IZUMO1: variants seen among roughly 807,000 people sequenced by gnomAD.
IZUMO1 encodes the protein izumo sperm-oocyte fusion 1.
In IZUMO1, 44 loss-of-function variants were observed where a neutral mutation model predicts 40.7. The observed-to-expected ratio is 1.08, with a 90% confidence interval of 0.85 to 1.39. The LOEUF is 1.39. IZUMO1 is among the 40% of genes most tolerant of loss of function. The pLI, the probability that IZUMO1 is intolerant of heterozygous loss-of-function variation, is 0.00. For synonymous variants in IZUMO1, 149 were observed against 170.9 expected (o/e 0.87, Z 1.00); for missense variants, 368 against 436.9 (o/e 0.84, Z 1.41).
In IZUMO1 at chr19:48,745,882, C is replaced by T. The variant is rs763151907; in HGVS notation, c.-23G>A. 11 of 1,613,376 alleles carry T rather than the reference C, an allele frequency of 6.8e-6. No homozygotes were observed. The South Asian group carries it at 7.7e-5, about 11-fold the overall frequency. On this transcript the variant is annotated 5_prime_UTR_variant, in exon 2 of 10. Coordinates refer to ENST00000332955, the MANE Select transcript of IZUMO1 (RefSeq NM_182575.3). ...CATTGCAGCCGGCGCGCACAGTTCC[C>T]GAAGACCGTTAGGAAGGGTGCTCTC...
In IZUMO1 at chr19:48,740,885, T is replaced by C. The variant is rs773171972; in HGVS notation, c.*23A>G. On this transcript the variant is annotated 3_prime_UTR_variant, in exon 10 of 10. Transcript: ENST00000332955. The surrounding 1 kb of genome is among the most constrained non-coding windows in gnomAD (Gnocchi z 5.5). ...GTCCCGTCCCGGGGAGTGAGTCAGA[T>C]GCTTAGACAACAAGATAAATCTTTA... 6.2e-7 allele frequency: 1 copy of C among 1,613,932 alleles called. No individual in the cohort carries two copies. Among genetic ancestry groups the C allele is most frequent in the African/African-American group, 1.3e-5 (1 of 74,942 alleles).
chr19:48,745,589 C>T, intron 2 of IZUMO1, 36 bp downstream of exon 2: 1 of 1,610,322 alleles, frequency 6.2e-7, no homozygotes, highest in Non-Finnish European at 8.5e-7. Flanking sequence ...CCTCCTTTCC[C>T]AGGACCCAGG....
chr19:48,744,993 G>A (rs1335428135), intron 3 of IZUMO1, among the ~76,000 whole-genome samples: 3 of 152,054 alleles, frequency 2.0e-5, no homozygotes, highest in South Asian at 4.1e-4. Flanking sequence ...TACCGTGCCC[G>A]GCCAGCAATA....
Position 48,741,678 on chromosome 19 carries a change from A to G in IZUMO1, c.754+111T>C. 1.4e-6 allele frequency: 2 copies of G among 1,386,670 alleles called. No individual in the cohort carries two copies. Among genetic ancestry groups the G allele is most frequent in the South Asian group, 2.9e-5 (2 of 67,830 alleles). 85.9% of individuals were successfully genotyped at this position (1,386,670 alleles called of 1,614,324 possible). A position where few individuals can be genotyped will look rare whatever the true frequency, so the allele number is the denominator to read the frequency against. ...AGGAAGCCACACCCCGTGCCCCGAAACCACACCCAACAGGAAGTCACGCCC... is the reference window on the plus strand; with the variant it reads ...AGGAAGCCACACCCCGTGCCCCGAAGCCACACCCAACAGGAAGTCACGCCC... On this transcript the variant is annotated intron_variant, in intron 8 of 9. Transcript: ENST00000332955. The surrounding 1 kb of genome is among the most constrained non-coding windows in gnomAD (Gnocchi z 4.4).
In IZUMO1 at chr19:48,741,355, AG is replaced by A; in HGVS notation, c.877del (p.Leu293PhefsTer5). On this transcript the variant is annotated frameshift_variant, in exon 9 of 10. Transcript: ENST00000332955. LOFTEE classifies it high-confidence loss of function. This position sits in a 1 kb window ranked among gnomAD's most constrained non-coding sequence, Gnocchi z 4.4. ...GGAGCCGCAGATCAGCAGCCCCAGA[AG>A]GCGGCTTGCCAGCATTTTCTCGGGC... Reference protein sequence around the residue: ...LQPEKMLASRLLGLLICGSLA... With the variant: ...LQPEKMLASRXLGLLICGSLA... The A allele has an allele frequency of 6.2e-7, 1 of 1,612,282 alleles. No individual in the cohort carries two copies. Among genetic ancestry groups the A allele is most frequent in the East Asian group, 2.2e-5 (1 of 44,872 alleles).
chr19:48,742,626 G>A (rs2033744277), intron 6 of IZUMO1, among the ~76,000 whole-genome samples: 1 of 151,862 alleles, frequency 6.6e-6, no homozygotes, highest in East Asian at 1.9e-4. Context: ...GCGATTACAG[G>A]CATGAGGCAC....
At position 48,741,039 on chromosome 19, in the gene IZUMO1, G is replaced by A. The variant is rs941952259; in HGVS notation, c.933-11C>T. 1 of 1,613,602 alleles carries A rather than the reference G, an allele frequency of 6.2e-7. No homozygotes were observed. On this transcript the variant is annotated splice_polypyrimidine_tract_variant and intron_variant, in intron 9 of 9. Transcript: ENST00000332955. This position sits in a 1 kb window ranked among gnomAD's most constrained non-coding sequence, Gnocchi z 4.4. ...CTTCGACGAAATATCCTAGGGGTGG[G>A]AGTGGGGTGCAGATCATGGAACCGG...
chr19:48,744,570 G>A (rs564275774), intron 3 of IZUMO1, 31 bp from the exon 4 acceptor site: 106 of 1,505,820 alleles, frequency 7.0e-5, no homozygotes, highest in Non-Finnish European at 9.0e-5. Context: ...CCAATCCCAC[G>A]TGTGAGGTGT....
chr19:48,746,778 G>C lies in IZUMO1; in HGVS notation c.-417C>G. The C allele has an allele frequency of 2.0e-6, 2 of 985,450 alleles. No homozygotes were observed. The highest frequency in any genetic ancestry group is 2.4e-6 in the Non-Finnish European group (2 of 829,932). 61.0% of individuals were successfully genotyped at this position (985,450 alleles called of 1,614,324 possible). On this transcript the variant is annotated 5_prime_UTR_variant, in exon 1 of 10. Coordinates refer to ENST00000332955, the MANE Select transcript of IZUMO1 (RefSeq NM_182575.3). ...AGGATTGTGTTGGGGACGAGGGTAA[G>C]GTTGGTTGCGTGAAATCGAGAGCTT... is the stretch of plus-strand genomic sequence containing the variant.
intron 6 of IZUMO1, among the ~76,000 whole-genome samples, chr19:48,742,688 G>C (rs1392281947): frequency 3.0e-5 from 4 of 133,906 alleles, no homozygotes; most frequent in African/African-American, 1.1e-4. Flanking sequence ...CTTTACATTT[G>C]TTGTAACCTC....
chr19:48,742,433 C>T (rs528211043), intron 6 of IZUMO1, 124 bp from the exon 7 acceptor site: 20 of 690,248 alleles, frequency 2.9e-5, no homozygotes, highest in Non-Finnish European at 3.9e-5. Context: ...CTGCAACCTC[C>T]GCTTCCTGGG....
chr19:48,743,304 T>C (rs925372039), intron 6 of IZUMO1, 141 bp downstream of exon 6: 11 of 721,902 alleles, frequency 1.5e-5, no homozygotes, highest in Non-Finnish European at 2.6e-5. Context: ...AGACTATAGG[T>C]GTGAACCACT....
Position 48,746,899 on chromosome 19 carries a change from A to G in IZUMO1, c.-538T>C. 7.1e-6 allele frequency: 7 copies of G among 985,328 alleles called. No individual in the cohort carries two copies. Among genetic ancestry groups the G allele is most frequent in the Non-Finnish European group, 6.0e-6 (5 of 829,888 alleles). The allele number at this position is 985,328 out of a possible 1,614,324, so 61.0% of individuals were successfully genotyped here. On this transcript the variant is annotated 5_prime_UTR_variant, in exon 1 of 10. Coordinates refer to ENST00000332955, the MANE Select transcript of IZUMO1 (RefSeq NM_182575.3). The stretch of plus-strand genomic sequence containing the variant: ...CTCACGTAGGGGCCCGAATTCCTTT[A>G]TAGATATTCCTTGGGGTTTTCCTCG...
rs577502455 is a variant in IZUMO1 at position 48,741,378 on chromosome 19, G to T, written c.855C>A (p.Pro285=). 1 of 1,613,190 alleles carries T rather than the reference G, an allele frequency of 6.2e-7. No individual in the cohort carries two copies. Among genetic ancestry groups the T allele is most frequent in the Non-Finnish European group, 8.5e-7 (1 of 1,179,884 alleles). ...ESSISLQPLQ[P]EKMLASRLLG... is the part of the protein sequence containing the mutation. ...GAAGGCGGCTTGCCAGCATTTTCTC[G>T]GGCTGCAGAGGCTGGAGGCTTATGG... is the stretch of plus-strand genomic sequence containing the variant. The change falls in exon 9 of 10, where the codon CCC becomes CCA. Residue 285 remains proline (P), a synonymous_variant. Coordinates refer to ENST00000332955, the MANE Select transcript of IZUMO1 (RefSeq NM_182575.3). This position sits in a 1 kb window ranked among gnomAD's most constrained non-coding sequence, Gnocchi z 4.4.
In IZUMO1 at chr19:48,745,600, G is replaced by A. The variant is rs201858526; in HGVS notation, c.235+25C>T. On this transcript the variant is annotated intron_variant, in intron 2 of 9. Coordinates refer to ENST00000332955, the MANE Select transcript of IZUMO1 (RefSeq NM_182575.3). ...TCTCCCTCCTTTCCCAGGACCCAGGGGTCCGTGGTCCCCCCTGCCCTCACC... is the reference window on the plus strand; with the variant it reads ...TCTCCCTCCTTTCCCAGGACCCAGGAGTCCGTGGTCCCCCCTGCCCTCACC... 3.7e-6 allele frequency: 6 copies of A among 1,612,856 alleles called. No individual in the cohort carries two copies. The African/African-American group carries it at 5.3e-5, about 14-fold the overall frequency.
In IZUMO1 at chr19:48,741,215, G is replaced by A; in HGVS notation, c.932+86C>T. The A allele has an allele frequency of 2.1e-6, 3 of 1,458,188 alleles. No homozygotes were observed. The African/African-American group carries it at 4.2e-5, about 20-fold the overall frequency. 90.3% of individuals were successfully genotyped at this position (1,458,188 alleles called of 1,614,324 possible). ...AAAGTCCTGCTCTCAGGCCTCAGTA[G>A]CCCCCAGACCAGCTTCTGTGTTGGG... On this transcript the variant is annotated intron_variant, in intron 9 of 9. Coordinates refer to ENST00000332955, the MANE Select transcript of IZUMO1 (RefSeq NM_182575.3). The surrounding 1 kb of genome is among the most constrained non-coding windows in gnomAD (Gnocchi z 4.4).
intron 3 of IZUMO1, among the ~76,000 whole-genome samples, chr19:48,744,986 C>T (rs1285966028): frequency 1.3e-5 from 2 of 152,154 alleles, no homozygotes; most frequent in Non-Finnish European, 2.9e-5. Flanking sequence ...CCTGAGCTAC[C>T]GTGCCCGGCC....
At chr19:48,745,127 C>T in intron 3 of IZUMO1, 87 bp downstream of exon 3, 1 of 1,132,388 alleles carries the variant, frequency 8.8e-7, no homozygotes, top group Non-Finnish European at 1.3e-6. Context: ...TCTGGGTCCA[C>T]AGCCTAGTAT....
chr19:48,746,817 G>C lies in IZUMO1; in HGVS notation c.-456C>G, dbSNP rs1306383364. 9 of 985,432 alleles carry C rather than the reference G, an allele frequency of 9.1e-6. No individual in the cohort carries two copies. In the African/African-American group the frequency reaches 1.0e-4, roughly 11 times the overall value. 61.0% of individuals were successfully genotyped at this position (985,432 alleles called of 1,614,324 possible). On this transcript the variant is annotated 5_prime_UTR_variant, in exon 1 of 10. Coordinates refer to ENST00000332955, the MANE Select transcript of IZUMO1 (RefSeq NM_182575.3). ...AATCGAGAGCTTTTCGACGGGGTCTGAGTCACGGACGATCCCCTCTCCACA... is the reference window on the plus strand; with the variant it reads ...AATCGAGAGCTTTTCGACGGGGTCTCAGTCACGGACGATCCCCTCTCCACA...
Sources: gnomAD v4.1 joint callset for allele counts (sites outside exome capture counted in the v4.1 genomes callset) on GRCh38, gnomAD v4.1.1 for gene constraint, Gnocchi (gnomAD v3.1) non-coding constraint, MANE v1.5 for transcripts, NCBI Gene and HGNC (gene_info 2026-07-23, HGNC 2026-07-21) for gene names.